The following VWF variants were observed in gnomAD, a reference collection of about 807,000 sequenced individuals.
VWF encodes the protein von Willebrand factor, also known as Factor VIII related antigen.
Under a neutral mutation model 308.6 loss-of-function variants are expected in VWF, and 176 were observed. The ratio of observed to expected loss-of-function variants is 0.57; its 90% CI spans 0.50 to 0.65. VWF has a LOEUF of 0.65. VWF is among the 30% of genes least tolerant of loss of function. The pLI, the probability that VWF is intolerant of heterozygous loss-of-function variation, is 0.00. For synonymous variants in VWF, 1,385 were observed against 1,443.4 expected (o/e 0.96, Z 0.92); for missense variants, 3,146 against 3,648.2 (o/e 0.86, Z 3.55).
At chr12:5,983,545 ATGATAGATAGAG>A (rs1943635764) in intron 40 of VWF, among the ~76,000 whole-genome samples, 1 of 152,252 alleles carries the variant, frequency 6.6e-6, no homozygotes, top group East Asian at 1.9e-4. Flanking sequence ...AGATAGATGG[ATGATAGATAGAG>A]GATAGATGAT....
At chr12:6,039,400 C>G (rs1270849706) in intron 18 of VWF, among the ~76,000 whole-genome samples, 1 of 152,204 alleles carries the variant, frequency 6.6e-6, no homozygotes, top group South Asian at 2.1e-4. Context: ...TGAACACCAT[C>G]GTGACCCACT....
intron 10 of VWF, among the ~76,000 whole-genome samples, chr12:6,065,893 C>T (rs1009910301): frequency 4.6e-5 from 7 of 152,228 alleles, no homozygotes; most frequent in Non-Finnish European, 8.8e-5. Flanking sequence ...AGAGGGGCAA[C>T]TCTAAGGCCA....
chr12:5,964,262 A>G (rs983791133), intron 47 of VWF, among the ~76,000 whole-genome samples: 3,290 of 141,658 alleles, frequency 0.023, 107 homozygotes, highest in African/African-American at 0.087. Flanking sequence ...ATACATACAT[A>G]CATACATACA....
chr12:6,051,494 T>C (rs1015365083), intron 16 of VWF, among the ~76,000 whole-genome samples: 17 of 152,204 alleles, frequency 1.1e-4, no homozygotes, highest in African/African-American at 3.9e-4. Flanking sequence ...CAGGATGGTC[T>C]CGATCTACTG....
chr12:6,016,182 C>G lies in VWF; in HGVS notation c.5362G>C (p.Ala1788Pro). The change falls in exon 31 of 52, where the codon GCC becomes CCC. Residue 1788 changes from alanine (A) to proline (P), a missense_variant. By Grantham distance (27) the Ala-to-Pro change is conservative. Transcript: ENST00000261405. ...ACCGCCTTTGAGGCTCCCGGCCTGG[C>G]ACCATGCATTTCTGAAGTCAAGTAT... The part of the protein sequence containing the change: ...VRYLTSEMHG[A>P]RPGASKAVVI... 1 of 1,614,200 alleles carries G rather than the reference C, an allele frequency of 6.2e-7. No individual in the cohort carries two copies. The highest frequency in any genetic ancestry group is 8.5e-7 in the Non-Finnish European group (1 of 1,180,038).
rs780494426 is a variant in VWF at position 6,110,540 on chromosome 12, A to G, written c.366T>C (p.Thr122=). Residue 122 remains threonine (T), a synonymous_variant, in exon 5 of 52, where the codon ACT becomes ACC. Coordinates refer to ENST00000261405, the MANE Select transcript of VWF (RefSeq NM_000552.5). ...PYASKGLYLE[T]EAGYYKLSGE... Reference sequence around the variant, plus strand: ...CGGACAGCTTGTAGTACCCAGCCTCAGTTTCTAGATACAGCCCTTTGGAGG... The same window carrying G: ...CGGACAGCTTGTAGTACCCAGCCTCGGTTTCTAGATACAGCCCTTTGGAGG... The G allele has an allele frequency of 5.0e-5, 80 of 1,614,026 alleles. No homozygotes were observed. The highest frequency in any genetic ancestry group is 1.3e-5 in the African/African-American group (1 of 74,910).
chr12:5,990,908 A>AAAAAAAAAT (rs1943734327), intron 38 of VWF, among the ~76,000 whole-genome samples: 1 of 35,864 alleles, frequency 2.8e-5, no homozygotes, highest in Admixed American at 3.3e-4. Context: ...AAAAAAAAAA[A>AAAAAAAAAT]TTTTGATGAC....
intron 6 of VWF, among the ~76,000 whole-genome samples, chr12:6,088,303 C>T (rs1364906665): frequency 3.3e-5 from 5 of 151,838 alleles, no homozygotes; most frequent in African/African-American, 1.2e-4. Context: ...ACGGTGAAAA[C>T]CCGTCTCTAC....
At position 5,971,368 on chromosome 12, in the gene VWF, T is replaced by C. The variant is rs10849365; in HGVS notation, c.7548+231A>G. On this transcript the variant is annotated intron_variant, in intron 44 of 51. Transcript: ENST00000261405. Reference sequence around the variant, plus strand: ...GTGAATGAGAGAGCATGAATCCCCCTGGGAGGGCCCTGGGCTTCTCCCAAA... The same window carrying C: ...GTGAATGAGAGAGCATGAATCCCCCCGGGAGGGCCCTGGGCTTCTCCCAAA... 0.66 allele frequency among the ~76,000 whole-genome samples: 99,716 copies of C among 152,122 alleles called. 33,321 individuals carry two copies. The highest frequency in any genetic ancestry group is 0.77 in the Middle Eastern group (225 of 294).
At chr12:6,115,526 G>A (rs888080491) in intron 3 of VWF, among the ~76,000 whole-genome samples, 1 of 152,112 alleles carries the variant, frequency 6.6e-6, no homozygotes. Context: ...CGTGTGCCAT[G>A]CACTCTGATA....
intron 38 of VWF, among the ~76,000 whole-genome samples, chr12:5,986,852 C>G (rs1315218258): frequency 6.6e-6 from 1 of 152,234 alleles, no homozygotes. Flanking sequence ...CCCACAGGCA[C>G]AGCGACAGAG....
At chr12:5,985,693 G>A in intron 38 of VWF, 28 bp from the exon 39 acceptor site, 1 of 1,600,354 alleles carries the variant, frequency 6.2e-7, no homozygotes, top group Non-Finnish European at 8.6e-7. Flanking sequence ...TTCAGAAAGG[G>A]CACAGGACAT....
rs762028281 is a variant in VWF, at chr12:6,018,361, A to G, written c.5053+4T>C. On this transcript the variant is annotated splice_donor_region_variant and intron_variant, in intron 28 of 51. Transcript: ENST00000261405. Reference sequence around the variant, plus strand: ...TCCCACCTGCACACAAGGTGCCAGCATACCAGGTGCAGGGGAGAGGGTGGG... The same window carrying G: ...TCCCACCTGCACACAAGGTGCCAGCGTACCAGGTGCAGGGGAGAGGGTGGG... 1.2e-6 allele frequency: 2 copies of G among 1,608,666 alleles called. No homozygotes were observed. Among genetic ancestry groups the G allele is most frequent in the South Asian group, 1.1e-5 (1 of 90,404 alleles).
intron 20 of VWF, among the ~76,000 whole-genome samples, chr12:6,032,818 ACACT>A (rs1249940566): frequency 6.6e-6 from 1 of 151,986 alleles, no homozygotes; most frequent in East Asian, 1.9e-4. Flanking sequence ...ACTCATACAC[ACACT>A]CACACACGTG....
chr12:5,969,235 C>A lies in VWF; in HGVS notation c.7705G>T (p.Ala2569Ser). The A allele has an allele frequency of 6.2e-7, 1 of 1,614,000 alleles. No homozygotes were observed. The highest frequency in any genetic ancestry group is 8.5e-7 in the Non-Finnish European group (1 of 1,179,948). Reference protein sequence around the residue: ...SGFQLSCKTSACCPSCRCERM... With the variant: ...SGFQLSCKTSSCCPSCRCERM... ...CCACAGCGACAGCTTGGGCAGCACG[C>A]TGAGGTCTTACAGCTCAGCTGAAAG... Residue 2569 changes from alanine to serine, a missense_variant, in exon 45 of 52, where the codon GCG (alanine) becomes TCG (serine). Physicochemically the swap from Ala to Ser is moderately conservative, Grantham distance 99. Around this residue, in one of 3 missense-constraint regions of VWF, gnomAD observed 989 missense variants for 1,117.4 expected, o/e 0.89. Transcript: ENST00000261405.
intron 10 of VWF, 87 bp from the exon 11 acceptor site, chr12:6,065,360 G>A (rs1944701970): frequency 1.3e-6 from 2 of 1,559,056 alleles, no homozygotes; most frequent in Admixed American, 1.8e-5. Context: ...TGCAAGCAGG[G>A]TGCCCTTCCC....
intron 6 of VWF, among the ~76,000 whole-genome samples, chr12:6,081,376 T>C (rs1050071901): frequency 1.3e-5 from 2 of 152,120 alleles, no homozygotes; most frequent in Non-Finnish European, 2.9e-5. Flanking sequence ...AGTCTCGCTC[T>C]GTCACCAGGC....
At position 6,064,314 on chromosome 12, in the gene VWF, A is replaced by G; in HGVS notation, c.1364T>C (p.Leu455Pro). 1.2e-6 allele frequency: 2 copies of G among 1,614,176 alleles called. No individual in the cohort carries two copies. Among genetic ancestry groups the G allele is most frequent in the African/African-American group, 1.3e-5 (1 of 75,058 alleles). The change falls in exon 12 of 52, where the codon CTT becomes CCT. Residue 455 changes from leucine to proline, a missense_variant. This residue lies in a region of VWF where 1,304 missense variants were observed against 1,353.0 expected (regional missense o/e 0.96). Coordinates refer to ENST00000261405, the MANE Select transcript of VWF (RefSeq NM_000552.5). ...TCCTGCCCCATGCTTCAGTTTCACAAGGCTGTTGTGCAGGCCAGGCAGCCG... is the reference window on the plus strand; with the variant it reads ...TCCTGCCCCATGCTTCAGTTTCACAGGGCTGTTGTGCAGGCCAGGCAGCCG... Reference protein sequence around the residue: ...TVRLPGLHNSLVKLKHGAGVA... With the variant: ...TVRLPGLHNSPVKLKHGAGVA...
At chr12:5,958,559 C>T (rs1943276204) in intron 47 of VWF, among the ~76,000 whole-genome samples, 1 of 152,012 alleles carries the variant, frequency 6.6e-6, no homozygotes, top group Non-Finnish European at 1.5e-5. Context: ...CATGGTGGTG[C>T]ACAACTGTAG....
Sources: gnomAD v4.1 joint callset for allele counts (sites outside exome capture counted in the v4.1 genomes callset) on GRCh38, gnomAD v4.1.1 for gene constraint, gnomAD v4.1.1 regional missense constraint, MANE v1.5 for transcripts, NCBI Gene and HGNC (gene_info 2026-07-23, HGNC 2026-07-21) for gene names.